Variants in GRIK1 observed in about 807,000 individuals in gnomAD.
The protein encoded by GRIK1 is glutamate receptor ionotropic, kainate 1.
Under a neutral mutation model 105.7 loss-of-function variants are expected in GRIK1, and 69 were observed. The observed-to-expected ratio is 0.65, with a 90% CI of 0.54 to 0.80. The LOEUF (loss-of-function observed/expected upper bound fraction) is 0.80. Ranked by LOEUF, GRIK1 falls within the 30% of genes least tolerant of loss-of-function variation. GRIK1 has a pLI of 0.00. For missense variants in GRIK1, 1,109 were observed against 1,167.3 expected (o/e 0.95, Z 0.73); for synonymous variants, 438 against 431.3 (o/e 1.02, Z -0.19).
At chr21:29,781,714 A>G (rs2066110529) in intron 1 of GRIK1, among the ~76,000 whole-genome samples, 1 of 93,182 alleles carries the variant, frequency 1.1e-5, no homozygotes, top group African/African-American at 3.4e-5. Flanking sequence ...CCCAGGCCGG[A>G]CTGCGGACTG....
intron 1 of GRIK1, among the ~76,000 whole-genome samples, chr21:29,754,752 GC>G (rs1352609111): frequency 6.6e-6 from 1 of 152,172 alleles, no homozygotes; most frequent in African/African-American, 2.4e-5. Flanking sequence ...ATCTGGGTGG[GC>G]CTGATTCAAC....
rs1046804381 is a variant in GRIK1, at chr21:29,922,812, C to CT, written c.118+16570dup. Among the ~76,000 whole-genome samples the CT allele has an allele frequency of 4.6e-5, 7 of 152,094 alleles. No homozygotes were observed. In the East Asian group the frequency reaches 5.8e-4, roughly 13 times the overall value. ...CATTTGTATGCTTCTAAATAAGTTA[C>CT]TTTTTTTAGCAGACTTTTGAGATAA... On this transcript the variant is annotated intron_variant, in intron 1 of 17. Coordinates refer to ENST00000327783, the MANE Select transcript of GRIK1 (RefSeq NM_001330994.2).
At chr21:29,716,737 A>T (rs781014107) in intron 1 of GRIK1, among the ~76,000 whole-genome samples, 2 of 152,182 alleles carry the variant, frequency 1.3e-5, no homozygotes, top group African/African-American at 2.4e-5. Flanking sequence ...AAGTTTGAAA[A>T]ATTTGTAGCC....
At chr21:29,846,980 A>G (rs1446465798) in intron 1 of GRIK1, among the ~76,000 whole-genome samples, 3 of 152,214 alleles carry the variant, frequency 2.0e-5, no homozygotes, top group Non-Finnish European at 4.4e-5. Flanking sequence ...GAGTAACAGT[A>G]TGGCATAAAA....
At chr21:29,660,894 T>C (rs1368834100) in intron 4 of GRIK1, among the ~76,000 whole-genome samples, 1 of 152,238 alleles carries the variant, frequency 6.6e-6, no homozygotes, top group East Asian at 1.9e-4. Context: ...AAGGTATTTT[T>C]GGCACAGGAG....
At chr21:29,620,808 T>TAGATAGATAGATAG (rs56341617) in intron 7 of GRIK1, among the ~76,000 whole-genome samples, 2 of 122,610 alleles carry the variant, frequency 1.6e-5, no homozygotes, top group Admixed American at 8.1e-5. Context: ...TATATATAGA[T>TAGATAGATAGATAG]ATATATATAT....
chr21:29,538,296 T>C (rs1453008390), intron 16 of GRIK1, among the ~76,000 whole-genome samples: 1 of 152,122 alleles, frequency 6.6e-6, no homozygotes, highest in Non-Finnish European at 1.5e-5. Flanking sequence ...TAAAACATCC[T>C]CTAGTGATAT....
chr21:29,899,810 G>A (rs2070325296), intron 1 of GRIK1, among the ~76,000 whole-genome samples: 1 of 152,102 alleles, frequency 6.6e-6, no homozygotes, highest in Admixed American at 6.6e-5. Flanking sequence ...CAGTTGAACT[G>A]AGATGGGACA....
intron 1 of GRIK1, among the ~76,000 whole-genome samples, chr21:29,756,315 A>C (rs1030310980): frequency 1.3e-5 from 2 of 152,160 alleles, no homozygotes; most frequent in African/African-American, 4.8e-5. Context: ...GGGGAGGCAG[A>C]GCTTGCAGTG....
intron 1 of GRIK1, among the ~76,000 whole-genome samples, chr21:29,869,952 T>C (rs561311910): frequency 2.6e-5 from 4 of 152,168 alleles, no homozygotes; most frequent in Admixed American, 6.5e-5. Flanking sequence ...CCTTTAAAAC[T>C]AGGACTGTCA....
intron 1 of GRIK1, among the ~76,000 whole-genome samples, chr21:29,855,936 G>C (rs7280933): frequency 0.01 from 1,562 of 152,280 alleles, 26 homozygotes; most frequent in African/African-American, 0.036. Flanking sequence ...GTGGTTTGAG[G>C]AATGTTTGGT....
chr21:29,832,559 T>A (rs1370896599), intron 1 of GRIK1, among the ~76,000 whole-genome samples: 2 of 152,102 alleles, frequency 1.3e-5, no homozygotes, highest in Non-Finnish European at 2.9e-5. Context: ...AGCCATCAAA[T>A]CTTATGGGTT....
intron 1 of GRIK1, among the ~76,000 whole-genome samples, chr21:29,895,562 G>A (rs960797881): frequency 3.3e-5 from 5 of 152,056 alleles, no homozygotes; most frequent in Admixed American, 6.6e-5. Flanking sequence ...CATGTCTCTC[G>A]AAAAGATCCA....
At chr21:29,688,334 C>G (rs2063522862) in intron 3 of GRIK1, among the ~76,000 whole-genome samples, 1 of 152,182 alleles carries the variant, frequency 6.6e-6, no homozygotes, top group Non-Finnish European at 1.5e-5. Flanking sequence ...AGTTTAACAT[C>G]AAAGAGGAGG....
intron 7 of GRIK1, among the ~76,000 whole-genome samples, chr21:29,606,557 C>T (rs1021077257): frequency 6.6e-6 from 1 of 152,104 alleles, no homozygotes; most frequent in Non-Finnish European, 1.5e-5. Context: ...GCTAGAGTCA[C>T]ATATATAACT....
intron 16 of GRIK1, among the ~76,000 whole-genome samples, chr21:29,541,246 G>A (rs570628505): frequency 4.6e-5 from 7 of 152,290 alleles, no homozygotes; most frequent in South Asian, 2.1e-4. Flanking sequence ...GATTACAGGC[G>A]TAAGCCACCG....
At chr21:29,709,137 A>T (rs1312323966) in intron 1 of GRIK1, among the ~76,000 whole-genome samples, 1 of 152,160 alleles carries the variant, frequency 6.6e-6, no homozygotes, top group African/African-American at 2.4e-5. Flanking sequence ...TTTGTGACAT[A>T]ATAATTGTCA....
chr21:29,836,232 C>A (rs191150448), intron 1 of GRIK1, among the ~76,000 whole-genome samples: 1 of 152,262 alleles, frequency 6.6e-6, no homozygotes, highest in African/African-American at 2.4e-5. Flanking sequence ...TTATTTCTTT[C>A]TGTTTTAATA....
chr21:29,614,808 C>A (rs932712458), intron 7 of GRIK1, among the ~76,000 whole-genome samples: 1 of 151,516 alleles, frequency 6.6e-6, no homozygotes, highest in Non-Finnish European at 1.5e-5. Context: ...TACACATAAA[C>A]TTTGTGTTCC....
Sources: allele counts gnomAD v4.1 joint callset (sites outside exome capture counted in the v4.1 genomes callset), GRCh38; gene constraint gnomAD v4.1.1; transcripts MANE v1.5; gene names NCBI Gene and HGNC (gene_info 2026-07-23, HGNC 2026-07-21).